The following LMX1A variants were observed in gnomAD, a reference collection of about 807,000 sequenced individuals.
LMX1A encodes the protein LIM homeobox transcription factor 1-alpha.
In LMX1A, 15 loss-of-function variants were observed where a neutral mutation model predicts 49.1. The observed-to-expected ratio is 0.31, with a 90% CI of 0.20 to 0.47. LMX1A has a LOEUF of 0.47. LMX1A is among the 20% of genes least tolerant of loss of function. The pLI, the probability that LMX1A is intolerant of heterozygous loss-of-function variation, is 1.00. For synonymous variants in LMX1A, 167 were observed against 185.7 expected (o/e 0.90, Z 0.82); for missense variants, 372 against 475.8 (o/e 0.78, Z 2.03).
Position 165,210,670 on chromosome 1 carries a change from G to T in LMX1A, c.747+29C>A, listed in dbSNP as rs2275814. On this transcript the variant is annotated intron_variant, in intron 6 of 8. Coordinates refer to ENST00000342310, the MANE Select transcript of LMX1A (RefSeq NM_177398.4). ...ATTATTTCAGGAAACCAGCAACATG[G>T]GGACAGATAAAAGTAAGAAGCAGGT... The T allele has an allele frequency of 9.7e-4, 1,514 of 1,554,640 alleles. 27 individuals are homozygous for T. In the East Asian group the frequency reaches 0.025, roughly 26 times the overall value.
chr1:165,331,804 A>T (rs948951063), intron 3 of LMX1A, among the ~76,000 whole-genome samples: 13 of 152,166 alleles, frequency 8.5e-5, no homozygotes, highest in African/African-American at 3.1e-4. Context: ...ATAATCCCAG[A>T]TACACAGGAG....
Position 165,313,502 on chromosome 1 carries a change from G to A in LMX1A, c.263+39574C>T, listed in dbSNP as rs1393980597. On this transcript the variant is annotated intron_variant, in intron 3 of 8. Coordinates refer to ENST00000342310, the MANE Select transcript of LMX1A (RefSeq NM_177398.4). Reference sequence around the variant, plus strand: ...TTTTTTTTTTTTTTTTGTTGTTGTTGTTGTTATTGGGGTCAGGGTTGGATA... The same window carrying A: ...TTTTTTTTTTTTTTTTGTTGTTGTTATTGTTATTGGGGTCAGGGTTGGATA... 2.3e-4 allele frequency among the ~76,000 whole-genome samples: 19 copies of A among 82,778 alleles called. 1 individual carries two copies. The highest frequency in any genetic ancestry group is 4.3e-4 in the Non-Finnish European group (17 of 39,810). The allele number at this position is 82,778 out of a possible 152,430, so 54.3% of individuals were successfully genotyped here. A position where few individuals can be genotyped will look rare whatever the true frequency, so the allele number is the denominator to read the frequency against.
chr1:165,316,182 TTATG>T (rs1312413775), intron 3 of LMX1A, among the ~76,000 whole-genome samples: 12 of 152,302 alleles, frequency 7.9e-5, no homozygotes, highest in African/African-American at 2.9e-4. Context: ...CATTCTGTCT[TTATG>T]TATGTGCATG....
intron 3 of LMX1A, among the ~76,000 whole-genome samples, chr1:165,284,233 T>C (rs1409258623): frequency 6.6e-6 from 1 of 152,224 alleles, no homozygotes; most frequent in African/African-American, 2.4e-5. Context: ...AGTAAGTATA[T>C]GAAAGCACTT....
intron 3 of LMX1A, among the ~76,000 whole-genome samples, chr1:165,312,814 C>T (rs1811714): frequency 0.14 from 21,022 of 152,192 alleles, 1,441 homozygotes; most frequent in Middle Eastern, 0.22. Context: ...CCCTACCCTA[C>T]TGCAGATTCA....
At chr1:165,265,207 A>T (rs907537610) in intron 3 of LMX1A, among the ~76,000 whole-genome samples, 4 of 151,456 alleles carry the variant, frequency 2.6e-5, no homozygotes, top group African/African-American at 9.7e-5. Context: ...CTGTCTCAAA[A>T]AAAAAAAAAA....
chr1:165,355,625 G>A lies in LMX1A; in HGVS notation c.-22-44C>T. 4 of 1,477,132 alleles carry A rather than the reference G, an allele frequency of 2.7e-6. No individual in the cohort carries two copies. Among genetic ancestry groups the A allele is most frequent in the Non-Finnish European group, 3.7e-6 (4 of 1,067,970 alleles). 91.5% of individuals were successfully genotyped at this position (1,477,132 alleles called of 1,614,324 possible). On this transcript the variant is annotated intron_variant, in intron 1 of 8. Coordinates refer to ENST00000342310, the MANE Select transcript of LMX1A (RefSeq NM_177398.4). The surrounding 1 kb of genome is among the most constrained non-coding windows in gnomAD (Gnocchi z 4.7). ...GATGCGTCTGACGTCCGTGCCCGCTGGGACTCGGCGCCAGCAGCCACCGCA... is the reference window on the plus strand; with the variant it reads ...GATGCGTCTGACGTCCGTGCCCGCTAGGACTCGGCGCCAGCAGCCACCGCA...
chr1:165,243,277 T>G (rs1327300227), intron 4 of LMX1A, among the ~76,000 whole-genome samples: 1 of 152,066 alleles, frequency 6.6e-6, no homozygotes, highest in Non-Finnish European at 1.5e-5. Flanking sequence ...TAAAAGAAAA[T>G]GTAAAGATAA....
chr1:165,341,018 G>A (rs1656058179), intron 3 of LMX1A, among the ~76,000 whole-genome samples: 1 of 152,100 alleles, frequency 6.6e-6, no homozygotes, highest in Admixed American at 6.5e-5. Flanking sequence ...AGTGGTCTCT[G>A]CCAGTCTCTA....
intron 3 of LMX1A, among the ~76,000 whole-genome samples, chr1:165,323,510 T>C (rs1655481829): frequency 6.6e-6 from 1 of 152,178 alleles, no homozygotes; most frequent in South Asian, 2.1e-4. Flanking sequence ...TGTTATAATG[T>C]TTCTATACAT....
chr1:165,232,047 C>A (rs990625111), intron 4 of LMX1A, among the ~76,000 whole-genome samples: 1 of 152,156 alleles, frequency 6.6e-6, no homozygotes, highest in African/African-American at 2.4e-5. Context: ...CAAGGATGTG[C>A]CATGGTGCTT....
intron 3 of LMX1A, among the ~76,000 whole-genome samples, chr1:165,318,832 T>C (rs991651860): frequency 1.3e-5 from 2 of 152,182 alleles, no homozygotes; most frequent in Non-Finnish European, 2.9e-5. Flanking sequence ...AGGGCCTGGA[T>C]TGCTGATGGC....
At chr1:165,247,813 A>G (rs1255506059) in intron 4 of LMX1A, among the ~76,000 whole-genome samples, 1 of 152,180 alleles carries the variant, frequency 6.6e-6, no homozygotes, top group Non-Finnish European at 1.5e-5. Flanking sequence ...TGAGGCTTAG[A>G]GAGGTTCCAA....
At chr1:165,278,987 C>T (rs1654053423) in intron 3 of LMX1A, among the ~76,000 whole-genome samples, 1 of 152,220 alleles carries the variant, frequency 6.6e-6, no homozygotes, top group South Asian at 2.1e-4. Context: ...AAGAGCTACT[C>T]TGCATCAAAG....
chr1:165,319,007 A>T (rs879697493), intron 3 of LMX1A, among the ~76,000 whole-genome samples: 4,779 of 122,872 alleles, frequency 0.039, 134 homozygotes, highest in African/African-American at 0.088. Context: ...TCTCACACAC[A>T]CACACACACA....
At position 165,345,380 on chromosome 1, in the gene LMX1A, G is replaced by T. The variant is rs1656209898; in HGVS notation, c.263+7696C>A. Among the ~76,000 whole-genome samples the T allele has an allele frequency of 3.3e-5, 5 of 152,194 alleles. No individual in the cohort carries two copies. In the South Asian group the frequency reaches 1.0e-3, roughly 32 times the overall value. On this transcript the variant is annotated intron_variant, in intron 3 of 8. Coordinates refer to ENST00000342310, the MANE Select transcript of LMX1A (RefSeq NM_177398.4). ...GGATGCTTCTTTCCAGGCAGGAGAA[G>T]TGTGATGTTCAGAGAAGCAGCCAAG...
At chr1:165,256,460 G>C (rs1223940019) in intron 3 of LMX1A, among the ~76,000 whole-genome samples, 1 of 152,126 alleles carries the variant, frequency 6.6e-6, no homozygotes, top group Non-Finnish European at 1.5e-5. Context: ...TTCAACCAGA[G>C]AAACCCACTC....
intron 2 of LMX1A, 33 bp from the exon 3 acceptor site, chr1:165,353,295 G>A (rs184371764): frequency 1.3e-6 from 2 of 1,589,054 alleles, no homozygotes; most frequent in East Asian, 4.5e-5. Flanking sequence ...CGGGTGAGCA[G>A]CCCGGGCAGG....
At chr1:165,291,027 G>T (rs947235912) in intron 3 of LMX1A, among the ~76,000 whole-genome samples, 4 of 152,094 alleles carry the variant, frequency 2.6e-5, no homozygotes, top group African/African-American at 9.7e-5. Flanking sequence ...TTATATACCT[G>T]CCCACTGCAT....
Sources: gnomAD v4.1 joint callset for allele counts (sites outside exome capture counted in the v4.1 genomes callset) on GRCh38, gnomAD v4.1.1 for gene constraint, Gnocchi (gnomAD v3.1) non-coding constraint, MANE v1.5 for transcripts, NCBI Gene and HGNC (gene_info 2026-07-23, HGNC 2026-07-21) for gene names.